PCDH7: variants seen among roughly 807,000 people sequenced by gnomAD.
PCDH7 encodes the protein protocadherin-7.
In PCDH7, 17 loss-of-function variants were observed where a neutral mutation model predicts 58.9. The observed-to-expected ratio is 0.29, with a 90% CI of 0.20 to 0.43. The LOEUF is 0.43. Ranked by LOEUF, PCDH7 falls within the 20% of genes least tolerant of loss-of-function variation. The pLI, the probability that PCDH7 is intolerant of heterozygous loss-of-function variation, is 1.00. For synonymous variants in PCDH7, 664 were observed against 616.4 expected, an observed-to-expected ratio of 1.08 and a Z score of -1.14; for missense variants, 1,274 against 1,441.0, an observed-to-expected ratio of 0.88 and a Z score of 1.88.
chr4:30,871,751 T>C (rs571095889), intron 1 of PCDH7, among the ~76,000 whole-genome samples: 82 of 152,082 alleles, frequency 5.4e-4, no homozygotes, highest in African/African-American at 1.9e-3. Flanking sequence ...GATTTCACAG[T>C]TCTGAAGTCA....
chr4:30,751,326 A>G lies in PCDH7; in HGVS notation c.70+26730A>G, dbSNP rs186474184. On this transcript the variant is annotated intron_variant, in intron 1 of 3. Coordinates refer to the PCDH7 transcript ENST00000509759. ...ATTTTACTGAGGCATTTTGATGTTT[A>G]AAAGTGATTACACTTAATACATATC... is the stretch of plus-strand genomic sequence containing the variant. 8.2e-4 allele frequency among the ~76,000 whole-genome samples: 125 copies of G among 152,344 alleles called. 2 individuals are homozygous for G. Among genetic ancestry groups the G allele is most frequent in the African/African-American group, 7.2e-4 (30 of 41,578 alleles).
intron 3 of PCDH7, among the ~76,000 whole-genome samples, chr4:31,078,639 A>ATTTTTTTTTTTTTTTTTT (rs10709152): frequency 1.4e-5 from 1 of 73,564 alleles, no homozygotes; most frequent in Non-Finnish European, 2.5e-5. Flanking sequence ...ACCATGCCCC[A>ATTTTTTTTTTTTTTTTTT]TTTTTTTTTT....
chr4:30,741,776 A>C (rs1032174), intron 1 of PCDH7, among the ~76,000 whole-genome samples: 133,424 of 152,204 alleles, frequency 0.88, 58,954 homozygotes, highest in African/African-American at 0.97. Context: ...AAATTAGGGG[A>C]TGGAACAATC....
At chr4:30,876,035 G>C (rs1736240863) in intron 1 of PCDH7, among the ~76,000 whole-genome samples, 1 of 152,114 alleles carries the variant, frequency 6.6e-6, no homozygotes, top group Non-Finnish European at 1.5e-5. Flanking sequence ...AAGTAGATCT[G>C]TAATATGTCT....
intron 1 of PCDH7, among the ~76,000 whole-genome samples, chr4:30,752,609 G>A (rs1413464773): frequency 1.3e-5 from 2 of 148,750 alleles, no homozygotes; most frequent in African/African-American, 4.9e-5. Flanking sequence ...GTGCACGTAT[G>A]TATTAGAAGA....
At chr4:30,780,037 T>G (rs889035314) in intron 1 of PCDH7, among the ~76,000 whole-genome samples, 9 of 152,282 alleles carry the variant, frequency 5.9e-5, no homozygotes, top group African/African-American at 2.2e-4. Flanking sequence ...TCATTTTACG[T>G]TTTTATTATG....
intron 3 of PCDH7, among the ~76,000 whole-genome samples, chr4:31,074,581 C>T (rs553651398): frequency 6.6e-6 from 1 of 151,460 alleles, no homozygotes; most frequent in South Asian, 2.1e-4. Flanking sequence ...TCAGGAGTTC[C>T]AGACCAACTT....
chr4:30,978,003 C>T (rs1750228474), intron 3 of PCDH7, among the ~76,000 whole-genome samples: 2 of 152,046 alleles, frequency 1.3e-5, no homozygotes, highest in East Asian at 1.9e-4. Flanking sequence ...TTTTTTCTTC[C>T]ATACTCTGAA....
chr4:31,050,204 C>A (rs1188120339), intron 3 of PCDH7, among the ~76,000 whole-genome samples: 1 of 152,048 alleles, frequency 6.6e-6, no homozygotes, highest in East Asian at 1.9e-4. Flanking sequence ...CAGGCTTTTG[C>A]CAAACACTGG....
intron 1 of PCDH7, among the ~76,000 whole-genome samples, chr4:30,878,056 G>A (rs1736510378): frequency 6.6e-6 from 1 of 152,036 alleles, no homozygotes; most frequent in Admixed American, 6.6e-5. Flanking sequence ...GGATTGATAT[G>A]GTAATTAAGA....
chr4:30,846,823 C>G (rs75418500), intron 1 of PCDH7, among the ~76,000 whole-genome samples: 1 of 152,016 alleles, frequency 6.6e-6, no homozygotes, highest in African/African-American at 2.4e-5. Flanking sequence ...AGAAATCAGG[C>G]TTTTAACAGA....
intron 3 of PCDH7, among the ~76,000 whole-genome samples, chr4:31,088,121 GTT>G (rs1019931298): frequency 2.0e-5 from 3 of 151,894 alleles, no homozygotes; most frequent in Non-Finnish European, 2.9e-5. Flanking sequence ...TTGCTATATT[GTT>G]TATTCAAAAA....
intron 1 of PCDH7, among the ~76,000 whole-genome samples, chr4:30,898,629 C>T (rs1237961313): frequency 6.6e-6 from 1 of 152,162 alleles, no homozygotes; most frequent in African/African-American, 2.4e-5. Context: ...CTTGCTCTGT[C>T]GCCCAGGCTG....
intron 1 of PCDH7, among the ~76,000 whole-genome samples, chr4:30,782,246 T>C (rs1443140167): frequency 6.6e-6 from 1 of 152,142 alleles, no homozygotes; most frequent in Non-Finnish European, 1.5e-5. Context: ...AATGGAGATA[T>C]CTACAATGAT....
At chr4:30,745,476 C>T (rs1328587016) in intron 1 of PCDH7, among the ~76,000 whole-genome samples, 1 of 152,122 alleles carries the variant, frequency 6.6e-6, no homozygotes, top group African/African-American at 2.4e-5. Context: ...TTGATGACAG[C>T]TTTTAAGATA....
At chr4:31,141,945 C>T (rs1720306822) in intron 3 of PCDH7, among the ~76,000 whole-genome samples, 1 of 152,138 alleles carries the variant, frequency 6.6e-6, no homozygotes, top group Non-Finnish European at 1.5e-5. Flanking sequence ...TTAGGTTCTA[C>T]TTATGAGTCA....
At chr4:31,001,382 T>C (rs1218761206) in intron 3 of PCDH7, among the ~76,000 whole-genome samples, 3 of 152,152 alleles carry the variant, frequency 2.0e-5, no homozygotes, top group Non-Finnish European at 2.9e-5. Flanking sequence ...CACATGCTTA[T>C]ATATACATAA....
At chr4:31,106,034 A>ATG (rs1262601942) in intron 3 of PCDH7, among the ~76,000 whole-genome samples, 1 of 150,824 alleles carries the variant, frequency 6.6e-6, no homozygotes. Flanking sequence ...ATATATATAT[A>ATG]TATGTATATA....
intron 3 of PCDH7, among the ~76,000 whole-genome samples, chr4:31,064,564 C>A (rs76102996): frequency 1.3e-5 from 2 of 152,028 alleles, no homozygotes; most frequent in East Asian, 1.9e-4. Context: ...AAAGTAGAAC[C>A]TTTCTTGCCT....
Sources: gnomAD v4.1 joint callset for allele counts (sites outside exome capture counted in the v4.1 genomes callset) on GRCh38, gnomAD v4.1.1 for gene constraint, MANE v1.5 for transcripts, NCBI Gene and HGNC (gene_info 2026-07-23, HGNC 2026-07-21) for gene names.